The following P2RX4 variants were observed in gnomAD, a reference collection of about 807,000 sequenced individuals.
P2RX4 encodes P2X purinoceptor 4.
P2RX4 carries 37 observed loss-of-function variants against 48.0 expected under a neutral mutation model. The observed-to-expected ratio is 0.77, with a 90% confidence interval of 0.59 to 1.01. The LOEUF (loss-of-function observed/expected upper bound fraction) is 1.01. Ranked by LOEUF, P2RX4 falls within the 50% of genes least tolerant of loss-of-function variation. P2RX4 has a pLI of 0.00. For missense variants in P2RX4, 501 were observed against 521.4 expected (o/e 0.96, Z 0.38); for synonymous variants, 200 against 199.7 (o/e 1.00, Z -0.01).
chr12:121,222,773 T>G, intron 4 of P2RX4, 174 bp from the exon 5 acceptor site: 1 of 1,530,680 alleles, frequency 6.5e-7, no homozygotes, highest in Non-Finnish European at 8.8e-7. Flanking sequence ...CACAGGTAAC[T>G]GTCTTCCTCC....
In P2RX4 at chr12:121,217,284, G is replaced by A; in HGVS notation, c.282+3G>A. The A allele has an allele frequency of 6.2e-7, 1 of 1,613,968 alleles. No individual in the cohort carries two copies. Among genetic ancestry groups the A allele is most frequent in the Non-Finnish European group, 8.5e-7 (1 of 1,179,936 alleles). On this transcript the variant is annotated splice_donor_region_variant and intron_variant, in intron 2 of 11. Coordinates refer to ENST00000337233, the MANE Select transcript of P2RX4 (RefSeq NM_002560.3). ...CGGATTATGTGATACCAGCTCAGGT[G>A]TGTCTCCCACTGTGTCTTCTGTCTA...
intron 5 of P2RX4, among the ~76,000 whole-genome samples, chr12:121,228,296 G>A (rs1887096812): frequency 6.7e-6 from 1 of 149,834 alleles, no homozygotes; most frequent in Non-Finnish European, 1.5e-5. Context: ...ACGGGAGGCT[G>A]AGGTGGCAGT....
intron 2 of P2RX4, among the ~76,000 whole-genome samples, chr12:121,217,680 C>A (rs189240626): frequency 6.6e-6 from 1 of 150,668 alleles, no homozygotes; most frequent in African/African-American, 2.4e-5. Context: ...AATCCCAGCA[C>A]TTTGGGAGGC....
intron 1 of P2RX4, chr12:121,212,820 A>ATTTTTTTTTTTT (rs1268523637): frequency 4.7e-5 from 2 of 42,762 alleles, no homozygotes; most frequent in African/African-American, 2.5e-4. Flanking sequence ...ATATATATAT[A>ATTTTTTTTTTTT]TATATTTTTT....
At chr12:121,210,730 G>A (rs2136207478) in intron 1 of P2RX4, among the ~76,000 whole-genome samples, 1 of 152,334 alleles carries the variant, frequency 6.6e-6, no homozygotes, top group Admixed American at 6.5e-5. Flanking sequence ...AGTGAGCTAT[G>A]ATCACACCAC....
At position 121,221,207 on chromosome 12, in the gene P2RX4, A is replaced by C. The variant is rs1184093914; in HGVS notation, c.283-706A>C. On this transcript the variant is annotated intron_variant, in intron 2 of 11. Coordinates refer to ENST00000337233, the MANE Select transcript of P2RX4 (RefSeq NM_002560.3). ...GTGTGTGTGTGTGTGTTTTTAGTAC[A>C]AAGTTTCACCATGTTGGCCAGGCTA... Among the ~76,000 whole-genome samples the C allele has an allele frequency of 2.1e-5, 3 of 144,276 alleles. No individual in the cohort carries two copies. In the Admixed American group the frequency reaches 2.2e-4, roughly 10 times the overall value. The allele number at this position is 144,276 out of a possible 152,430, so 94.7% of individuals were successfully genotyped here.
chr12:121,224,527 G>A (rs1593215895), intron 5 of P2RX4, among the ~76,000 whole-genome samples: 1 of 151,966 alleles, frequency 6.6e-6, no homozygotes, highest in African/African-American at 2.4e-5. Flanking sequence ...GCTTGAACCC[G>A]GGAAGTGGAG....
rs1887402500 is a variant in P2RX4, at chr12:121,232,122, G to T, written c.885-292G>T. 6.6e-6 allele frequency among the ~76,000 whole-genome samples: 1 copy of T among 151,992 alleles called. No homozygotes were observed. The highest frequency in any genetic ancestry group is 2.1e-4 in the South Asian group (1 of 4,824). On this transcript the variant is annotated intron_variant, in intron 8 of 11. Transcript: ENST00000337233. This position sits in a 1 kb window ranked among gnomAD's most constrained non-coding sequence, Gnocchi z 4.3. ...TAGATGTTGGAGGTCAGGGTCCCTT[G>T]AGGGAGGCAGGCAGGATGTACCAGG...
At chr12:121,217,664 G>T (rs1200130293) in intron 2 of P2RX4, among the ~76,000 whole-genome samples, 3 of 151,524 alleles carry the variant, frequency 2.0e-5, no homozygotes, top group Non-Finnish European at 4.4e-5. Flanking sequence ...AGTAGCTCAC[G>T]TGTGTAATCC....
intron 2 of P2RX4, among the ~76,000 whole-genome samples, chr12:121,221,296 G>T (rs1886593467): frequency 6.6e-6 from 1 of 151,950 alleles, no homozygotes; most frequent in Non-Finnish European, 1.5e-5. Context: ...GGAATTACAG[G>T]TGTGAGCCAC....
intron 8 of P2RX4, among the ~76,000 whole-genome samples, chr12:121,230,481 C>T (rs1182251205): frequency 6.6e-6 from 1 of 152,234 alleles, no homozygotes; most frequent in Non-Finnish European, 1.5e-5. Flanking sequence ...GTGTGGAATC[C>T]GATCCATACG....
intron 1 of P2RX4, among the ~76,000 whole-genome samples, chr12:121,210,647 C>G (rs978358014): frequency 1.3e-5 from 2 of 152,176 alleles, no homozygotes; most frequent in African/African-American, 4.8e-5. Context: ...GGCCTGGTGG[C>G]GCGCGCCTGG....
At chr12:121,230,889 C>T (rs1026469323) in intron 8 of P2RX4, among the ~76,000 whole-genome samples, 10 of 151,688 alleles carry the variant, frequency 6.6e-5, no homozygotes, top group African/African-American at 2.4e-4. Flanking sequence ...TGCGCTCTCT[C>T]GCGTGCTCGC....
chr12:121,233,335 ATGCATGC>A, intron 11 of P2RX4, 181 bp from the exon 12 acceptor site: 3 of 661,366 alleles, frequency 4.5e-6, no homozygotes, highest in Non-Finnish European at 8.1e-6. Context: ...GGTGATGATA[ATGCATGC>A]TCTGAGAATG....
chr12:121,217,794 A>AATTAGAGACC (rs1886333447), intron 2 of P2RX4, among the ~76,000 whole-genome samples: 1 of 151,482 alleles, frequency 6.6e-6, no homozygotes, highest in Non-Finnish European at 1.5e-5. Flanking sequence ...AAAAGAAAAG[A>AATTAGAGACC]ATTAGAGACC....
Position 121,228,749 on chromosome 12 carries a change from C to T in P2RX4, c.630C>T (p.Thr210=), listed in dbSNP as rs1207132597. 6.2e-7 allele frequency: 1 copy of T among 1,613,956 alleles called. No individual in the cohort carries two copies. The highest frequency in any genetic ancestry group is 1.3e-5 in the African/African-American group (1 of 74,880). ...FSKRNILPNI[T]TTYLKSCIYD... Reference sequence around the variant, plus strand: ...GGAGGAATATCCTTCCCAACATCACCACTACTTACCTCAAGTCGTGCATTT... The same window carrying T: ...GGAGGAATATCCTTCCCAACATCACTACTACTTACCTCAAGTCGTGCATTT... The change falls in exon 7 of 12, where the codon ACC becomes ACT. Residue 210 remains threonine, a synonymous_variant. Transcript: ENST00000337233.
rs1465302468 is a variant in P2RX4 at position 121,233,715 on chromosome 12, ATC to A, written c.*168_*169del. ...GCAGCTCCTGTGTGTTGTGTGCAGG[ATC>A]TGTTTGCCCACTCGGCCCAGGAGGT... On this transcript the variant is annotated 3_prime_UTR_variant, in exon 12 of 12. Transcript: ENST00000337233. 1 of 1,481,684 alleles carries A rather than the reference ATC, an allele frequency of 6.7e-7. No homozygotes were observed. Among genetic ancestry groups the A allele is most frequent in the African/African-American group, 1.4e-5 (1 of 71,468 alleles). 91.8% of individuals were successfully genotyped at this position (1,481,684 alleles called of 1,614,324 possible).
At chr12:121,221,163 TG>T (rs1364726515) in intron 2 of P2RX4, among the ~76,000 whole-genome samples, 1 of 127,442 alleles carries the variant, frequency 7.8e-6, no homozygotes, top group African/African-American at 3.4e-5. Flanking sequence ...TGTCTGTGTG[TG>T]TTTGTGTGTG....
At chr12:121,220,465 A>G (rs1886526080) in intron 2 of P2RX4, among the ~76,000 whole-genome samples, 1 of 151,934 alleles carries the variant, frequency 6.6e-6, no homozygotes, top group Non-Finnish European at 1.5e-5. Context: ...GTGAAATCCT[A>G]TCTCTACTAA....
Sources: allele counts gnomAD v4.1 joint callset (sites outside exome capture counted in the v4.1 genomes callset), GRCh38; gene constraint gnomAD v4.1.1; non-coding constraint Gnocchi (gnomAD v3.1); transcripts MANE v1.5; gene names NCBI Gene and HGNC (gene_info 2026-07-23, HGNC 2026-07-21).